MYO1E: variants seen among roughly 807,000 people sequenced by gnomAD.
MYO1E encodes the protein unconventional myosin-Ie.
A neutral mutation model predicts 151.1 loss-of-function variants in MYO1E; 68 were observed. The ratio of observed to expected loss-of-function variants is 0.45; its 90% CI spans 0.37 to 0.55. The LOEUF (loss-of-function observed/expected upper bound fraction) is 0.55. MYO1E is among the 20% of genes least tolerant of loss of function. The pLI is 0.00. For synonymous variants in MYO1E, 601 were observed against 501.7 expected, an observed-to-expected ratio of 1.20 and a Z score of -2.64; for missense variants, 1,363 against 1,389.3, an observed-to-expected ratio of 0.98 and a Z score of 0.30.
At chr15:59,335,645 T>C (rs181687731) in intron 1 of MYO1E, among the ~76,000 whole-genome samples, 1 of 152,300 alleles carries the variant, frequency 6.6e-6, no homozygotes, top group Admixed American at 6.5e-5. Context: ...TCCTAGCTAC[T>C]TGGAGGCCAC....
chr15:59,297,457 T>TTTTTTTTTTTTTTTTTTTTG (rs2080457295), intron 1 of MYO1E, among the ~76,000 whole-genome samples: 1 of 146,648 alleles, frequency 6.8e-6, no homozygotes, highest in Non-Finnish European at 1.5e-5. Context: ...TTTTTTTTTT[T>TTTTTTTTTTTTTTTTTTTTG]TTTTAGTAGG....
chr15:59,135,434 T>A lies in MYO1E; in HGVS notation c.*1946A>T, dbSNP rs1227239360. 2.0e-5 allele frequency: 3 copies of A among 152,168 alleles called. No individual in the cohort carries two copies. The highest frequency in any genetic ancestry group is 7.2e-5 in the African/African-American group (3 of 41,398). 9.4% of individuals were successfully genotyped at this position (152,168 alleles called of 1,614,324 possible). On this transcript the variant is annotated 3_prime_UTR_variant, in exon 28 of 28. Coordinates refer to ENST00000288235, the MANE Select transcript of MYO1E (RefSeq NM_004998.4). ...GGTGGCTGTGGGGACTCCAGCATGC[T>A]CCTCTGTCCCAGTTCTGGTGGTATC...
chr15:59,240,436 C>T (rs1453886756), intron 4 of MYO1E, among the ~76,000 whole-genome samples: 1 of 152,002 alleles, frequency 6.6e-6, no homozygotes, highest in Non-Finnish European at 1.5e-5. Flanking sequence ...GGTAAAATAT[C>T]AACGAAATGG....
chr15:59,241,539 A>G (rs2080099686), intron 4 of MYO1E, among the ~76,000 whole-genome samples: 1 of 152,130 alleles, frequency 6.6e-6, no homozygotes, highest in African/African-American at 2.4e-5. Flanking sequence ...CGTCTCTACT[A>G]AAAACACAAA....
At chr15:59,306,067 A>G (rs1306718437) in intron 1 of MYO1E, among the ~76,000 whole-genome samples, 1 of 152,200 alleles carries the variant, frequency 6.6e-6, no homozygotes, top group African/African-American at 2.4e-5. Context: ...TTACAGCTGC[A>G]TATTCTCAGG....
In MYO1E at chr15:59,237,939, T is replaced by C. The variant is rs1156763817; in HGVS notation, c.333-1267A>G. ...TAATAATACGGTTTTAAAGAAATTA[T>C]GGGGAGGCGGGAACCATCCTCTGTT... On this transcript the variant is annotated intron_variant, in intron 4 of 27. Transcript: ENST00000288235. 2.0e-5 allele frequency among the ~76,000 whole-genome samples: 3 copies of C among 152,290 alleles called. No individual in the cohort carries two copies. The East Asian group carries it at 5.8e-4, about 29-fold the overall frequency.
At chr15:59,365,026 CTTTTTCTTTTTT>C (rs1402028689) in intron 1 of MYO1E, among the ~76,000 whole-genome samples, 1 of 150,094 alleles carries the variant, frequency 6.7e-6, no homozygotes, top group Non-Finnish European at 1.5e-5. Flanking sequence ...TTCTAAATTT[CTTTTTCTTTTTT>C]TTTTTCTTTT....
At chr15:59,271,888 C>T (rs918279785) in intron 2 of MYO1E, among the ~76,000 whole-genome samples, 1 of 152,196 alleles carries the variant, frequency 6.6e-6, no homozygotes, top group Non-Finnish European at 1.5e-5. Context: ...TAGAGCATGT[C>T]AAAGGGACGA....
At chr15:59,200,133 A>C (rs1276549721) in intron 16 of MYO1E, among the ~76,000 whole-genome samples, 1 of 152,178 alleles carries the variant, frequency 6.6e-6, no homozygotes, top group Non-Finnish European at 1.5e-5. Flanking sequence ...AAGAAAGGGG[A>C]CAAGTCTTTA....
intron 4 of MYO1E, among the ~76,000 whole-genome samples, chr15:59,242,169 C>T (rs572669622): frequency 2.5e-4 from 38 of 152,306 alleles, no homozygotes; most frequent in African/African-American, 9.1e-4. Flanking sequence ...TTTACCTATA[C>T]AGAACAACTG....
rs568917397 is a variant in MYO1E at position 59,325,754 on chromosome 15, G to A, written c.3+46744C>T. Among the ~76,000 whole-genome samples, 26 of 152,272 alleles carry A rather than the reference G, an allele frequency of 1.7e-4. No homozygotes were observed. The South Asian group carries it at 4.4e-3, about 25-fold the overall frequency. On this transcript the variant is annotated intron_variant, in intron 1 of 27. Coordinates refer to ENST00000288235, the MANE Select transcript of MYO1E (RefSeq NM_004998.4). ...CTGGGGGAATACTGCTGTGCTTGGT[G>A]AGCACAGGAGCAGGTGTCCATTTCC...
chr15:59,180,578 A>C (rs1261933807), intron 18 of MYO1E, among the ~76,000 whole-genome samples: 2 of 151,304 alleles, frequency 1.3e-5, no homozygotes, highest in Non-Finnish European at 2.9e-5. Context: ...AACCTTGCAG[A>C]GACTTTCTCT....
chr15:59,194,191 C>A (rs1390846750), intron 17 of MYO1E, among the ~76,000 whole-genome samples: 7 of 151,242 alleles, frequency 4.6e-5, no homozygotes, highest in Non-Finnish European at 1.0e-4. Flanking sequence ...AAAAAAAAAT[C>A]CTTAAGAATA....
At chr15:59,366,258 C>T (rs914566505) in intron 1 of MYO1E, among the ~76,000 whole-genome samples, 11 of 151,794 alleles carry the variant, frequency 7.2e-5, no homozygotes, top group African/African-American at 2.2e-4. Context: ...GGATTACAGG[C>T]GTGAACCACA....
At chr15:59,339,481 C>T (rs1416201144) in intron 1 of MYO1E, among the ~76,000 whole-genome samples, 1 of 152,216 alleles carries the variant, frequency 6.6e-6, no homozygotes, top group Non-Finnish European at 1.5e-5. Context: ...CCCCGATATT[C>T]ACAGTAGTCC....
intron 2 of MYO1E, among the ~76,000 whole-genome samples, chr15:59,267,716 ACT>A (rs1473719172): frequency 5.3e-5 from 8 of 152,012 alleles, no homozygotes; most frequent in Non-Finnish European, 1.2e-4. Context: ...TTGCGCAGGA[ACT>A]CTTTTCGTCG....
chr15:59,145,743 T>C lies in MYO1E; in HGVS notation c.3081-7376A>G, dbSNP rs1346125733. Among the ~76,000 whole-genome samples the C allele has an allele frequency of 1.2e-4, 18 of 152,248 alleles. 1 individual carries two copies. Among genetic ancestry groups the C allele is most frequent in the Admixed American group, 1.1e-3 (17 of 15,278 alleles). ...TGAAGTTATTAAAGTCTATTGCTGA[T>C]GTATGGTAGAAATACTATACAATGG... On this transcript the variant is annotated intron_variant, in intron 26 of 27. Transcript: ENST00000288235.
At chr15:59,300,299 CACACACACACACACAG>C (rs1184551914) in intron 1 of MYO1E, among the ~76,000 whole-genome samples, 1 of 150,340 alleles carries the variant, frequency 6.7e-6, no homozygotes, top group South Asian at 2.1e-4. Flanking sequence ...AGCACGCGCA[CACACACACACACACAG>C]ACACACACAC....
chr15:59,275,651 C>G (rs1022155996), intron 1 of MYO1E, among the ~76,000 whole-genome samples: 3 of 152,158 alleles, frequency 2.0e-5, no homozygotes, highest in African/African-American at 7.2e-5. Context: ...CCAGATGAGG[C>G]AAAGGGAGAG....
Sources: allele counts gnomAD v4.1 joint callset (sites outside exome capture counted in the v4.1 genomes callset), GRCh38; gene constraint gnomAD v4.1.1; transcripts MANE v1.5; gene names NCBI Gene and HGNC (gene_info 2026-07-23, HGNC 2026-07-21).